The following DNAH12 variants were observed in gnomAD, a reference collection of about 807,000 sequenced individuals.
DNAH12 encodes dynein axonemal heavy chain 12.
Under a neutral mutation model 371.5 loss-of-function variants are expected in DNAH12, and 285 were observed. The ratio of observed to expected loss-of-function variants is 0.77; its 90% CI spans 0.70 to 0.85. The LOEUF is 0.85. Among genes scored for constraint, DNAH12 ranks in the 40% least tolerant of loss-of-function variants. The pLI, the probability that DNAH12 is intolerant of heterozygous loss-of-function variation, is 0.00. For synonymous variants in DNAH12, 1,200 were observed against 1,213.0 expected, an observed-to-expected ratio of 0.99 and a Z score of 0.22; for missense variants, 3,611 against 3,689.4, an observed-to-expected ratio of 0.98 and a Z score of 0.55.
chr3:57,409,455 ATATGGC>A (rs1553682360), intron 39 of DNAH12, among the ~76,000 whole-genome samples: 2 of 152,210 alleles, frequency 1.3e-5, no homozygotes, highest in Non-Finnish European at 2.9e-5. Context: ...ATATGCACTG[ATATGGC>A]TATTTGAGAT....
chr3:57,521,554 A>C (rs9842496), intron 4 of DNAH12, among the ~76,000 whole-genome samples: 3 of 152,160 alleles, frequency 2.0e-5, no homozygotes, highest in Non-Finnish European at 4.4e-5. Flanking sequence ...GTCTATTTCT[A>C]GGTCATCTAT....
rs1347703860 is a variant in DNAH12, at chr3:57,314,482, T to G, written c.10662+12A>C. 6.4e-7 allele frequency: 1 copy of G among 1,550,998 alleles called. No homozygotes were observed. The highest frequency in any genetic ancestry group is 8.7e-7 in the Non-Finnish European group (1 of 1,146,768). On this transcript the variant is annotated intron_variant, in intron 66 of 73. Coordinates refer to ENST00000495027, the MANE Select transcript of DNAH12 (RefSeq NM_001366028.2). ...TGATCCTTCATGAATGTTAATTTCT[T>G]GTTAATTTTACCTGCAGTTGTCGGA...
chr3:57,383,439 G>T (rs1367221780), intron 49 of DNAH12, among the ~76,000 whole-genome samples: 4 of 152,010 alleles, frequency 2.6e-5, no homozygotes, highest in Non-Finnish European at 5.9e-5. Context: ...GCAGATTCAT[G>T]GAACATAGGG....
intron 59 of DNAH12, among the ~76,000 whole-genome samples, chr3:57,354,085 T>C (rs1916282): frequency 0.68 from 103,198 of 152,090 alleles, 35,762 homozygotes; most frequent in Non-Finnish European, 0.77. Context: ...TTCATCACAG[T>C]ACTATTCACA....
intron 40 of DNAH12, among the ~76,000 whole-genome samples, chr3:57,407,309 G>T (rs547263698): frequency 2.8e-3 from 415 of 150,142 alleles, no homozygotes; most frequent in Middle Eastern, 7.1e-3. Context: ...CCGGGGGTAG[G>T]GAGGTGGCAG....
chr3:57,413,070 T>C (rs2064256554), intron 39 of DNAH12, among the ~76,000 whole-genome samples: 2 of 152,184 alleles, frequency 1.3e-5, no homozygotes, highest in Non-Finnish European at 1.5e-5. Flanking sequence ...GATTAGTTAA[T>C]TGTGGTTAAC....
intron 2 of DNAH12, among the ~76,000 whole-genome samples, chr3:57,531,133 A>T (rs1232939651): frequency 6.6e-6 from 1 of 152,050 alleles, no homozygotes; most frequent in Admixed American, 6.6e-5. Flanking sequence ...CTTTCAGATG[A>T]TTTCTTGCTG....
rs36111680 is a variant in DNAH12, at chr3:57,346,537, TAAC to T, written c.9674+5545_9674+5547del. On this transcript the variant is annotated intron_variant, in intron 60 of 73. Transcript: ENST00000495027. Reference sequence around the variant, plus strand: ...ACAGAAAAATAGAAGAGGAAAACAGTAACAACAACAACAGAACAAGGGCAATGA... The same window carrying T: ...ACAGAAAAATAGAAGAGGAAAACAGTAACAACAACAGAACAAGGGCAATGA... Among the ~76,000 whole-genome samples, 428 of 151,562 alleles carry T rather than the reference TAAC, an allele frequency of 2.8e-3. 1 individual carries two copies. The highest frequency in any genetic ancestry group is 0.01 in the African/African-American group (416 of 41,334).
intron 11 of DNAH12, among the ~76,000 whole-genome samples, chr3:57,494,384 C>G (rs574683052): frequency 5.3e-5 from 8 of 151,990 alleles, no homozygotes; most frequent in African/African-American, 1.9e-4. Context: ...GAGACCTTGT[C>G]TCTACTAAAA....
At chr3:57,448,463 AG>A (rs990408915) in intron 25 of DNAH12, among the ~76,000 whole-genome samples, 2 of 150,218 alleles carry the variant, frequency 1.3e-5, no homozygotes, top group African/African-American at 2.5e-5. Flanking sequence ...CGTTCCTCCC[AG>A]GGGGGCTCGT....
chr3:57,554,494 A>G, the DNAH12 span, among the ~76,000 whole-genome samples: 1 of 152,114 alleles, frequency 6.6e-6, no homozygotes, highest in Non-Finnish European at 1.5e-5. Context: ...CTTAGAATGC[A>G]CTACACAATT....
intron 62 of DNAH12, among the ~76,000 whole-genome samples, chr3:57,333,503 G>T (rs145389274): frequency 1.3e-5 from 2 of 151,690 alleles, no homozygotes; most frequent in African/African-American, 2.4e-5. Flanking sequence ...GCTAATTTTT[G>T]TATTTTTAGT....
chr3:57,434,221 A>G (rs2065048847), intron 30 of DNAH12, among the ~76,000 whole-genome samples: 1 of 152,152 alleles, frequency 6.6e-6, no homozygotes, highest in Admixed American at 6.5e-5. Flanking sequence ...CTCCTGGCAC[A>G]TATAGGATTT....
At chr3:57,342,484 C>CAAAAAAAA (rs71088060) in intron 60 of DNAH12, among the ~76,000 whole-genome samples, 75 of 66,044 alleles carry the variant, frequency 1.1e-3, no homozygotes, top group Non-Finnish European at 1.5e-3. Context: ...ACTAAAAATA[C>CAAAAAAAA]AAAAAAAAAA....
intron 2 of DNAH12, among the ~76,000 whole-genome samples, chr3:57,525,025 G>GA (rs1171144146): frequency 2.0e-5 from 3 of 151,290 alleles, no homozygotes; most frequent in East Asian, 1.9e-4. Flanking sequence ...GATGGCCAAA[G>GA]AAAAAAGCAT....
chr3:57,511,097 A>G lies in DNAH12; in HGVS notation c.280-118T>C, dbSNP rs559468519. 2.6e-4 allele frequency: 181 copies of G among 688,710 alleles called. 2 individuals carry two copies. In the South Asian group the frequency reaches 5.5e-3, roughly 21 times the overall value. 42.7% of individuals were successfully genotyped at this position (688,710 alleles called of 1,614,324 possible). ...GATTAAAAATATTCTGAAAAATAACATTTTCAGAATAAAAACCATTTAATC... is the reference window on the plus strand; with the variant it reads ...GATTAAAAATATTCTGAAAAATAACGTTTTCAGAATAAAAACCATTTAATC... On this transcript the variant is annotated intron_variant, in intron 4 of 73. Transcript: ENST00000495027.
intron 18 of DNAH12, among the ~76,000 whole-genome samples, chr3:57,462,383 C>T (rs772586824): frequency 7.2e-5 from 11 of 152,136 alleles, no homozygotes; most frequent in Non-Finnish European, 1.3e-4. Flanking sequence ...TCCTGAGTAG[C>T]TGGGATTACA....
chr3:57,380,895 A>C (rs2063376130), intron 50 of DNAH12, among the ~76,000 whole-genome samples: 1 of 152,232 alleles, frequency 6.6e-6, no homozygotes, highest in Admixed American at 6.5e-5. Context: ...AAAAAAGTAA[A>C]CACTGAAAGG....
At chr3:57,466,198 A>G (rs1192998024) in intron 17 of DNAH12, among the ~76,000 whole-genome samples, 1 of 152,154 alleles carries the variant, frequency 6.6e-6, no homozygotes, top group Non-Finnish European at 1.5e-5. Flanking sequence ...GAAAGAAAAT[A>G]ATATACATTG....
Sources: allele counts gnomAD v4.1 joint callset (sites outside exome capture counted in the v4.1 genomes callset), GRCh38; gene constraint gnomAD v4.1.1; transcripts MANE v1.5; gene names NCBI Gene and HGNC (gene_info 2026-07-23, HGNC 2026-07-21).